The following ADGRG1 variants were observed in gnomAD, a reference collection of about 807,000 sequenced individuals.
ADGRG1 encodes the protein adhesion G protein-coupled receptor G1.
In ADGRG1, 53 loss-of-function variants were observed where a neutral mutation model predicts 73.5. The ratio of observed to expected loss-of-function variants is 0.72; its 90% CI spans 0.58 to 0.91. The LOEUF is 0.91. ADGRG1 is among the 40% of genes least tolerant of loss of function. The probability of loss-of-function intolerance (pLI) is 0.00; values close to 1 mark genes in which losing one functional copy is unlikely to be tolerated. For synonymous variants in ADGRG1, 394 were observed against 374.4 expected (o/e 1.05, Z -0.60); for missense variants, 795 against 871.8 (o/e 0.91, Z 1.11).
At position 57,655,813 on chromosome 16, in the gene ADGRG1, T is replaced by C; in HGVS notation, c.901-63T>C. ...TTATCTAGAGAGGGTAAGGGGCTTCTGGGCCCTTCTTCTCAGTCCTGAACT... is the reference window on the plus strand; with the variant it reads ...TTATCTAGAGAGGGTAAGGGGCTTCCGGGCCCTTCTTCTCAGTCCTGAACT... On this transcript the variant is annotated intron_variant, in intron 6 of 13. Coordinates refer to ENST00000562631, the MANE Select transcript of ADGRG1 (RefSeq NM_201525.4). The C allele has an allele frequency of 2.5e-6, 4 of 1,613,738 alleles. No homozygotes were observed. In the South Asian group the frequency reaches 4.4e-5, roughly 18 times the overall value.
intron 2 of ADGRG1, chr16:57,650,954 C>T (rs571133213): frequency 9.5e-5 from 41 of 431,648 alleles, no homozygotes; most frequent in African/African-American, 3.2e-4. Flanking sequence ...GTGATCCGCC[C>T]GCCTCAGCCT....
rs535589794 is a variant in ADGRG1, at chr16:57,656,335, G to A, written c.1063+64G>A. 54 of 1,609,584 alleles carry A rather than the reference G, an allele frequency of 3.4e-5. 1 individual carries two copies. In the South Asian group the frequency reaches 4.1e-4, roughly 12 times the overall value. On this transcript the variant is annotated intron_variant, in intron 8 of 13. Transcript: ENST00000562631. ...GAAGAGAAATAGAGTCCTGGGGGGT[G>A]GGGGAGGTGGGGTTAATCACCGAGG...
At chr16:57,633,392 A>G in intron 1 of ADGRG1, 1 of 985,364 alleles carries the variant, frequency 1.0e-6, no homozygotes, top group Non-Finnish European at 1.2e-6. Context: ...AGTCTCTGAT[A>G]CCTAAATGCG....
At chr16:57,648,519 T>C in intron 1 of ADGRG1, 2 of 969,992 alleles carry the variant, frequency 2.1e-6, no homozygotes, top group Non-Finnish European at 2.5e-6. Flanking sequence ...TGGCTCTCAG[T>C]CGAAGGGGCC....
intron 4 of ADGRG1, chr16:57,653,771 C>T (rs2044741371): frequency 2.0e-6 from 2 of 978,322 alleles, no homozygotes; most frequent in South Asian, 9.5e-5. Context: ...TCTGACCCTA[C>T]CCCAGCTCAT....
intron 1 of ADGRG1, chr16:57,636,836 C>A: frequency 3.3e-6 from 1 of 301,812 alleles, no homozygotes; most frequent in Non-Finnish European, 4.9e-6. Flanking sequence ...CAAGGGATAA[C>A]AGGTAAGCAA....
intron 1 of ADGRG1, chr16:57,640,050 T>G (rs1339829180): frequency 6.0e-6 from 1 of 167,430 alleles, no homozygotes; most frequent in Non-Finnish European, 1.2e-5. Flanking sequence ...GCACCCCCGG[T>G]GTCAGAAACA....
chr16:57,641,359 T>C, intron 1 of ADGRG1: 1 of 984,746 alleles, frequency 1.0e-6, no homozygotes, highest in Non-Finnish European at 1.2e-6. Flanking sequence ...TCCTTGGAGA[T>C]GGCCAGGTGG....
chr16:57,660,428 A>G, intron 11 of ADGRG1: 1 of 974,498 alleles, frequency 1.0e-6, no homozygotes, highest in Non-Finnish European at 1.2e-6. Flanking sequence ...CCCTGATGGC[A>G]GAACTCTTGC....
At chr16:57,621,043 A>C (rs2034692992) in exon 1 of ADGRG1, 1 of 152,220 alleles carries the variant, frequency 6.6e-6, no homozygotes, top group Non-Finnish European at 1.5e-5. Flanking sequence ...AGCCAGCCAG[A>C]GGTGGGTGTC....
chr16:57,644,921 GCA>G (rs57950461), intron 1 of ADGRG1: 32,410 of 186,086 alleles, frequency 0.17, 3,002 homozygotes, highest in African/African-American at 0.24. Context: ...CATAACTCAT[GCA>G]CACACACACT....
chr16:57,642,518 AG>A, intron 1 of ADGRG1: 1 of 981,948 alleles, frequency 1.0e-6, no homozygotes, highest in Non-Finnish European at 1.2e-6. Flanking sequence ...CGTGCAAAAA[AG>A]GCTCTACCTT....
At chr16:57,662,818 C>G (rs2047556183) in intron 13 of ADGRG1, 1 of 414,462 alleles carries the variant, frequency 2.4e-6, no homozygotes, top group Non-Finnish European at 3.2e-6. Context: ...ATGCACACCC[C>G]TCTGTTCCTG....
chr16:57,632,817 A>C (rs912304346), intron 1 of ADGRG1: 12 of 985,448 alleles, frequency 1.2e-5, no homozygotes, highest in Non-Finnish European at 1.4e-5. Context: ...TCTCTGCATT[A>C]GTGGGAGATG....
intron 1 of ADGRG1, chr16:57,635,258 C>G (rs2039068237): frequency 1.0e-6 from 1 of 985,378 alleles, no homozygotes; most frequent in Non-Finnish European, 1.2e-6. Context: ...TCGTGCACAG[C>G]TTCCTCAAAG....
chr16:57,639,857 T>C (rs2040341839), intron 1 of ADGRG1: 8 of 965,540 alleles, frequency 8.3e-6, no homozygotes, highest in African/African-American at 7.1e-5. Context: ...CCAGCATTGA[T>C]GGTGTAGCCA....
intron 1 of ADGRG1, among the ~76,000 whole-genome samples, chr16:57,638,003 C>T (rs1459156959): frequency 3.3e-5 from 5 of 152,172 alleles, no homozygotes; most frequent in African/African-American, 1.2e-4. Context: ...GGTTCTAACC[C>T]CTGGTTCTTT....
chr16:57,637,177 A>C (rs2039570540), intron 1 of ADGRG1: 1 of 287,276 alleles, frequency 3.5e-6, no homozygotes, highest in Non-Finnish European at 5.2e-6. Context: ...TGATTTCAGC[A>C]GTCCTGCTGC....
At chr16:57,661,286 T>A in intron 12 of ADGRG1, 1 of 984,986 alleles carries the variant, frequency 1.0e-6, no homozygotes, top group Non-Finnish European at 1.2e-6. Flanking sequence ...AGAGGATGAG[T>A]GGGGTTGAAG....
Sources: gnomAD v4.1 joint callset for allele counts (sites outside exome capture counted in the v4.1 genomes callset) on GRCh38, gnomAD v4.1.1 for gene constraint, MANE v1.5 for transcripts, NCBI Gene and HGNC (gene_info 2026-07-23, HGNC 2026-07-21) for gene names.